TIAM1: variants seen among roughly 807,000 people sequenced by gnomAD.
The protein encoded by TIAM1 is TIAM Rac1 associated GEF 1, also known as rho guanine nucleotide exchange factor TIAM1.
A neutral mutation model predicts 163.5 loss-of-function variants in TIAM1; 65 were observed. The observed-to-expected ratio is 0.40, with a 90% CI of 0.33 to 0.49. The LOEUF (loss-of-function observed/expected upper bound fraction) is 0.49. Among genes scored for constraint, TIAM1 ranks in the 20% least tolerant of loss-of-function variants. The pLI, the probability that TIAM1 is intolerant of heterozygous loss-of-function variation, is 0.77. For missense variants in TIAM1, 1,789 were observed against 2,044.7 expected (o/e 0.87, Z 2.41); for synonymous variants, 833 against 810.1 (o/e 1.03, Z -0.48).
Position 31,130,761 on chromosome 21 carries a change from A to T in TIAM1, c.3942+129T>A, listed in dbSNP as rs150546838. ...AGGATGAGTGATCTCAAGCATCCTT[A>T]GCAATGCTTAAGAAAGAAAAAAGAT... On this transcript the variant is annotated intron_variant, in intron 24 of 27. Transcript: ENST00000541036. 383 of 817,328 alleles carry T rather than the reference A, an allele frequency of 4.7e-4. No individual in the cohort carries two copies. The African/African-American group carries it at 6.1e-3, about 13-fold the overall frequency. 50.6% of individuals were successfully genotyped at this position (817,328 alleles called of 1,614,324 possible).
intron 19 of TIAM1, among the ~76,000 whole-genome samples, chr21:31,152,145 G>A (rs1486245281): frequency 6.7e-6 from 1 of 149,684 alleles, no homozygotes. Context: ...CGATTCTCCT[G>A]CCTCAGCCTC....
chr21:31,343,531 G>A (rs541394482), intron 1 of TIAM1, among the ~76,000 whole-genome samples: 6 of 152,268 alleles, frequency 3.9e-5, no homozygotes, highest in Admixed American at 3.9e-4. Flanking sequence ...TCCACAGCCA[G>A]GAACCTAGAG....
intron 15 of TIAM1, among the ~76,000 whole-genome samples, chr21:31,177,864 G>A (rs1286482668): frequency 6.6e-6 from 1 of 152,160 alleles, no homozygotes; most frequent in East Asian, 1.9e-4. Flanking sequence ...CAGCAGCCAG[G>A]TAGCAGCCAG....
intron 2 of TIAM1, among the ~76,000 whole-genome samples, chr21:31,411,391 C>G (rs992363024): frequency 1.3e-5 from 2 of 151,670 alleles, no homozygotes; most frequent in South Asian, 4.2e-4. Flanking sequence ...AGGAGCCATT[C>G]AGCATGTCTC....
chr21:31,266,673 A>G lies in TIAM1; in HGVS notation c.300T>C (p.Pro100=). ...WVDRVDMGLR[P]VSYTDSSVTP... is the part of the protein sequence containing the mutation. ...TGACAGAAGAGTCAGTGTAAGACAC[A>G]GGTCTCAAGCCCATGTCCACTCGGT... is the stretch of plus-strand genomic sequence containing the variant. The change falls in exon 4 of 28, where the codon CCT becomes CCC. Residue 100 remains proline, a synonymous_variant. Coordinates refer to ENST00000541036, the MANE Select transcript of TIAM1 (RefSeq NM_001353694.2). The G allele has an allele frequency of 4.3e-6, 7 of 1,614,206 alleles. No homozygotes were observed. The highest frequency in any genetic ancestry group is 5.9e-6 in the Non-Finnish European group (7 of 1,180,042).
intron 2 of TIAM1, among the ~76,000 whole-genome samples, chr21:31,409,672 C>T (rs1166050813): frequency 2.0e-5 from 3 of 152,318 alleles, no homozygotes; most frequent in African/African-American, 7.2e-5. Context: ...TGGCTTGTCC[C>T]CCAAGTTCTG....
chr21:31,175,736 T>C (rs1451745193), intron 15 of TIAM1, among the ~76,000 whole-genome samples: 3 of 151,970 alleles, frequency 2.0e-5, no homozygotes, highest in Non-Finnish European at 2.9e-5. Flanking sequence ...GCAGCTGGGA[T>C]TACAGGCGCC....
intron 5 of TIAM1, among the ~76,000 whole-genome samples, chr21:31,246,179 A>G (rs1281289444): frequency 6.6e-6 from 1 of 152,214 alleles, no homozygotes; most frequent in African/African-American, 2.4e-5. Context: ...TAAGGATAAG[A>G]AAAACAATGA....
At chr21:31,553,795 C>G (rs1348986555) in intron 1 of TIAM1, among the ~76,000 whole-genome samples, 1 of 152,078 alleles carries the variant, frequency 6.6e-6, no homozygotes, top group Non-Finnish European at 1.5e-5. Flanking sequence ...CACTATTGTC[C>G]CGATCCCACC....
Position 31,209,975 on chromosome 21 carries a change from C to T in TIAM1, c.2388+70G>A, listed in dbSNP as rs979343079. The T allele has an allele frequency of 5.3e-6, 8 of 1,520,042 alleles. No homozygotes were observed. In the African/African-American group the frequency reaches 9.7e-5, roughly 18 times the overall value. The allele number at this position is 1,520,042 out of a possible 1,614,324, so 94.2% of individuals were successfully genotyped here. On this transcript the variant is annotated intron_variant, in intron 11 of 27. Transcript: ENST00000541036. ...TCTCCCACACGGCTCTGGGTTTCCA[C>T]ATGTGCCTTAGAAGATTGCTACACC...
intron 2 of TIAM1, among the ~76,000 whole-genome samples, chr21:31,362,487 GA>G (rs921204678): frequency 3.2e-5 from 4 of 123,316 alleles, no homozygotes; most frequent in Admixed American, 3.2e-4. Context: ...TTATATTTGA[GA>G]AAAGGTCTCG....
intron 19 of TIAM1, 29 bp from the exon 20 acceptor site, chr21:31,147,032 G>A: frequency 1.3e-6 from 2 of 1,590,986 alleles, no homozygotes; most frequent in Non-Finnish European, 1.7e-6. Context: ...GGCACAGTTG[G>A]TTGTTTCCTT....
intron 19 of TIAM1, among the ~76,000 whole-genome samples, chr21:31,151,151 C>T (rs1317843692): frequency 1.3e-5 from 2 of 152,224 alleles, no homozygotes; most frequent in Non-Finnish European, 2.9e-5. Context: ...CTTTGTAAAA[C>T]AGTTGAGCAG....
rs1465144516 is a variant in TIAM1 at position 31,266,287 on chromosome 21, G to T, written c.686C>A (p.Ala229Asp). The T allele has an allele frequency of 1.2e-6, 2 of 1,614,194 alleles. No individual in the cohort carries two copies. Among genetic ancestry groups the T allele is most frequent in the Admixed American group, 3.3e-5 (2 of 60,026 alleles). Residue 229 changes from alanine to aspartate, a missense_variant, in exon 4 of 28, where the codon GCC becomes GAC. Around this residue, in one of 5 missense-constraint regions of TIAM1, gnomAD observed 555 missense variants for 564.9 expected, o/e 0.98. Coordinates refer to ENST00000541036, the MANE Select transcript of TIAM1 (RefSeq NM_001353694.2). ...AGCATACAAGTCACCCAAGGAATTG[G>T]CTCTCTGACAGGTGCTGAGCTGCCG... ...SPRQLSTCQRANSLGDLYAQK... is the reference protein window; with the variant it reads ...SPRQLSTCQRDNSLGDLYAQK...
intron 23 of TIAM1, among the ~76,000 whole-genome samples, chr21:31,131,971 G>T (rs2082426591): frequency 6.6e-6 from 1 of 152,214 alleles, no homozygotes; most frequent in Admixed American, 6.5e-5. Flanking sequence ...AATCTCTGTT[G>T]TTTGGAAGCT....
intron 1 of TIAM1, among the ~76,000 whole-genome samples, chr21:31,341,856 AGG>A (rs1293476380): frequency 6.6e-6 from 1 of 152,176 alleles, no homozygotes; most frequent in Non-Finnish European, 1.5e-5. Flanking sequence ...TCAAGAAAGG[AGG>A]TGGCCTTTGT....
intron 2 of TIAM1, among the ~76,000 whole-genome samples, chr21:31,409,787 G>A (rs958666020): frequency 2.0e-5 from 3 of 152,216 alleles, no homozygotes; most frequent in Admixed American, 2.0e-4. Flanking sequence ...CTCCCTGGTG[G>A]GGGGCAGGGG....
At chr21:31,512,791 T>TTTTGTTTG (rs147701138) in intron 1 of TIAM1, among the ~76,000 whole-genome samples, 13 of 150,878 alleles carry the variant, frequency 8.6e-5, no homozygotes, top group South Asian at 2.1e-4. Flanking sequence ...TTAGGTGTTT[T>TTTTGTTTG]TTTGTTTGTT....
chr21:31,225,620 G>C, intron 7 of TIAM1, 106 bp downstream of exon 7: 1 of 874,030 alleles, frequency 1.1e-6, no homozygotes, highest in Non-Finnish European at 1.8e-6. Context: ...AGGCTGTCGA[G>C]GAGATATCCG....
Sources: gnomAD v4.1 joint callset for allele counts (sites outside exome capture counted in the v4.1 genomes callset) on GRCh38, gnomAD v4.1.1 for gene constraint, gnomAD v4.1.1 regional missense constraint, MANE v1.5 for transcripts, NCBI Gene and HGNC (gene_info 2026-07-23, HGNC 2026-07-21) for gene names.